Variants in SASH1 observed in about 807,000 individuals in gnomAD.
SASH1 encodes SAM and SH3 domain-containing protein 1.
SASH1 carries 44 observed loss-of-function variants against 125.2 expected under a neutral mutation model. The observed-to-expected ratio is 0.35, with a 90% CI of 0.28 to 0.45. The LOEUF (loss-of-function observed/expected upper bound fraction) is 0.45. Among genes scored for constraint, SASH1 ranks in the 20% least tolerant of loss-of-function variants. SASH1 has a pLI of 1.00. For missense variants in SASH1, 1,426 were observed against 1,614.5 expected, an observed-to-expected ratio of 0.88 and a Z score of 2.00; for synonymous variants, 639 against 649.1, an observed-to-expected ratio of 0.98 and a Z score of 0.24.
At chr6:148,336,426 C>T (rs1781158243) in intron 1 of SASH1, among the ~76,000 whole-genome samples, 1 of 152,138 alleles carries the variant, frequency 6.6e-6, no homozygotes, top group Admixed American at 6.5e-5. Flanking sequence ...GATCCGCCCG[C>T]CTCAGCCTCC....
intron 1 of SASH1, among the ~76,000 whole-genome samples, chr6:148,357,128 G>T (rs1207267018): frequency 6.6e-6 from 1 of 152,200 alleles, no homozygotes; most frequent in Non-Finnish European, 1.5e-5. Context: ...CTCCCACTCT[G>T]TGGGTTGTCT....
At chr6:148,238,017 T>G in the SASH1 span, among the ~76,000 whole-genome samples, 1 of 152,278 alleles carries the variant, frequency 6.6e-6, no homozygotes, top group Admixed American at 6.5e-5. Context: ...TGGCCCTAGC[T>G]AGAGCTTCTG....
At chr6:148,479,482 AAAAGTAGCCTT>A (rs1347941633) in intron 7 of SASH1, 2 of 181,022 alleles carry the variant, frequency 1.1e-5, no homozygotes, top group Non-Finnish European at 2.4e-5. Context: ...GAAAATGTTA[AAAAGTAGCCTT>A]AAAGTAGCCC....
intron 2 of SASH1, among the ~76,000 whole-genome samples, chr6:148,404,569 T>G (rs1364848982): frequency 3.7e-5 from 2 of 54,330 alleles, no homozygotes; most frequent in Non-Finnish European, 6.8e-5. Context: ...CCATCCCTGC[T>G]CCGCCCCAAC....
intron 1 of SASH1, among the ~76,000 whole-genome samples, chr6:148,367,031 G>T (rs935223325): frequency 7.2e-6 from 1 of 139,680 alleles, no homozygotes; most frequent in African/African-American, 2.7e-5. Flanking sequence ...GAGTGCAATG[G>T]CGTGATCTCT....
At chr6:148,417,855 T>C (rs1334207523) in intron 2 of SASH1, among the ~76,000 whole-genome samples, 1 of 152,192 alleles carries the variant, frequency 6.6e-6, no homozygotes, top group Non-Finnish European at 1.5e-5. Flanking sequence ...ATGATGGGAA[T>C]GAAGCAAAGA....
At chr6:148,420,669 T>C (rs781302704) in intron 2 of SASH1, among the ~76,000 whole-genome samples, 1 of 152,228 alleles carries the variant, frequency 6.6e-6, no homozygotes, top group Non-Finnish European at 1.5e-5. Flanking sequence ...CTTTCCCTTA[T>C]GAATTATTGT....
rs1034318258 is a variant in SASH1, at chr6:148,548,735, C to T, written c.*177C>T. Reference sequence around the variant, plus strand: ...CTGAGGATCCTCTCCTCCAGAAAAGCCCCCTCGAGGAAATAAATTAGTGCG... The same window carrying T: ...CTGAGGATCCTCTCCTCCAGAAAAGTCCCCTCGAGGAAATAAATTAGTGCG... On this transcript the variant is annotated 3_prime_UTR_variant, in exon 20 of 20. Coordinates refer to ENST00000367467, the MANE Select transcript of SASH1 (RefSeq NM_015278.5). The T allele has an allele frequency of 1.8e-5, 11 of 605,462 alleles. No individual in the cohort carries two copies. The highest frequency in any genetic ancestry group is 2.7e-5 in the Non-Finnish European group (10 of 373,972). 37.5% of individuals were successfully genotyped at this position (605,462 alleles called of 1,614,324 possible). A position where few individuals can be genotyped will look rare whatever the true frequency, so the allele number is the denominator to read the frequency against.
In SASH1 at chr6:148,514,355, A is replaced by C; in HGVS notation, c.761A>C (p.Glu254Ala). The C allele has an allele frequency of 6.3e-7, 1 of 1,589,708 alleles. No individual in the cohort carries two copies. The highest frequency in any genetic ancestry group is 1.1e-5 in the South Asian group (1 of 90,338). ...GAACAATCGGATGATGAGACTGAGG[A>C]GTCGGTGAAGTTTAAGAGGTTACAC... ...SREQSDDETE[E>A]SVKFKRLHKL... The change falls in exon 9 of 20, where the codon GAG (glutamate) becomes GCG (alanine). Residue 254 changes from glutamate (E) to alanine (A), a missense_variant. Glu to Ala is a moderately radical substitution (Grantham distance 107, BLOSUM62 -1). Coordinates refer to ENST00000367467, the MANE Select transcript of SASH1 (RefSeq NM_015278.5).
At chr6:148,327,016 T>C (rs1780849301) in intron 1 of SASH1, among the ~76,000 whole-genome samples, 1 of 152,172 alleles carries the variant, frequency 6.6e-6, no homozygotes, top group African/African-American at 2.4e-5. Flanking sequence ...GTGAATCTTG[T>C]GCTCCTCAAT....
intron 8 of SASH1, among the ~76,000 whole-genome samples, chr6:148,508,015 G>A (rs6935402): frequency 0.46 from 69,308 of 151,952 alleles, 16,105 homozygotes; most frequent in East Asian, 0.57. Flanking sequence ...CTCCCCTGAG[G>A]TCCTTGAGAA....
At chr6:148,430,695 T>C (rs1339281146) in intron 2 of SASH1, among the ~76,000 whole-genome samples, 1 of 152,122 alleles carries the variant, frequency 6.6e-6, no homozygotes, top group African/African-American at 2.4e-5. Flanking sequence ...ACAATACACA[T>C]CACTGGGGAA....
chr6:148,193,694 A>G, the SASH1 span, among the ~76,000 whole-genome samples: 1 of 152,346 alleles, frequency 6.6e-6, no homozygotes, highest in African/African-American at 2.4e-5. Flanking sequence ...CTTTTTATAA[A>G]ATAAGATGAA....
chr6:148,195,694 G>A, the SASH1 span, among the ~76,000 whole-genome samples: 10 of 152,138 alleles, frequency 6.6e-5, no homozygotes, highest in African/African-American at 1.4e-4. Context: ...AAGGTGCCTC[G>A]GGGAGCTGGT....
chr6:148,216,364 G>T, the SASH1 span, among the ~76,000 whole-genome samples: 4 of 152,214 alleles, frequency 2.6e-5, no homozygotes, highest in South Asian at 2.1e-4. Flanking sequence ...GTACTTCGTT[G>T]TGCTTGTGCA....
intron 10 of SASH1, among the ~76,000 whole-genome samples, chr6:148,521,327 A>G (rs1455345419): frequency 3.3e-5 from 5 of 152,238 alleles, no homozygotes; most frequent in Admixed American, 6.5e-5. Context: ...GTGTCCTTCA[A>G]TAGTGGTTTT....
intron 4 of SASH1, among the ~76,000 whole-genome samples, chr6:148,453,020 A>G (rs1455162755): frequency 2.6e-5 from 4 of 152,244 alleles, no homozygotes; most frequent in Non-Finnish European, 5.9e-5. Flanking sequence ...AGGGCTCAGC[A>G]TTCCAGAATG....
chr6:148,429,835 A>G (rs1017111284), intron 2 of SASH1, among the ~76,000 whole-genome samples: 11 of 152,154 alleles, frequency 7.2e-5, no homozygotes, highest in Non-Finnish European at 1.5e-4. Context: ...AAGGCTGTAG[A>G]AAGTAACATT....
intron 4 of SASH1, among the ~76,000 whole-genome samples, chr6:148,451,123 C>T (rs748758784): frequency 1.3e-5 from 2 of 152,218 alleles, no homozygotes; most frequent in Non-Finnish European, 2.9e-5. Flanking sequence ...GCTGAGAGCT[C>T]ACTCTTCTGA....
Sources: allele counts gnomAD v4.1 joint callset (sites outside exome capture counted in the v4.1 genomes callset), GRCh38; gene constraint gnomAD v4.1.1; transcripts MANE v1.5; gene names NCBI Gene and HGNC (gene_info 2026-07-23, HGNC 2026-07-21).